The following PTPRD variants were observed in gnomAD, a reference collection of about 807,000 sequenced individuals.
PTPRD encodes protein tyrosine phosphatase receptor type D.
In PTPRD, 34 loss-of-function variants were observed where a neutral mutation model predicts 214.5. The observed-to-expected ratio is 0.16, with a 90% CI of 0.12 to 0.21. The LOEUF (loss-of-function observed/expected upper bound fraction) is 0.21, where lower values mean the gene tolerates loss of function less well. PTPRD is among the 10% of genes least tolerant of loss of function. The probability of loss-of-function intolerance (pLI) is 1.00; values close to 1 mark genes in which losing one functional copy is unlikely to be tolerated. For missense variants in PTPRD, 2,545 were observed against 2,398.7 expected (o/e 1.06, Z -1.27); for synonymous variants, 1,128 against 845.7 (o/e 1.33, Z -5.79).
At chr9:9,598,949 G>C (rs573001152) in intron 7 of PTPRD, among the ~76,000 whole-genome samples, 2 of 151,830 alleles carry the variant, frequency 1.3e-5, no homozygotes, top group South Asian at 2.1e-4. Context: ...CACAGTTCTT[G>C]GTTCCTAAGC....
intron 30 of PTPRD, among the ~76,000 whole-genome samples, chr9:8,476,028 G>A (rs2096757359): frequency 6.6e-6 from 1 of 152,190 alleles, no homozygotes; most frequent in Non-Finnish European, 1.5e-5. Flanking sequence ...AAGGCCAGCA[G>A]GATCTTGCCT....
chr9:9,462,154 A>G (rs1232981391), intron 8 of PTPRD, among the ~76,000 whole-genome samples: 1 of 152,148 alleles, frequency 6.6e-6, no homozygotes, highest in Non-Finnish European at 1.5e-5. Flanking sequence ...ATTAAAAAGT[A>G]TGAGTGAGTA....
At chr9:9,267,718 C>T (rs1045086617) in intron 9 of PTPRD, among the ~76,000 whole-genome samples, 1 of 150,870 alleles carries the variant, frequency 6.6e-6, no homozygotes, top group Non-Finnish European at 1.5e-5. Flanking sequence ...GCAAGGATGG[C>T]TTAACATACA....
intron 3 of PTPRD, among the ~76,000 whole-genome samples, chr9:10,254,536 A>C (rs1227263444): frequency 6.6e-6 from 1 of 152,116 alleles, no homozygotes; most frequent in African/African-American, 2.4e-5. Context: ...AAAGCATAAA[A>C]ACGATTTAGC....
At position 8,732,124 on chromosome 9, in the gene PTPRD, C is replaced by T. The variant is rs1021333462; in HGVS notation, c.64+1656G>A. 4.6e-5 allele frequency among the ~76,000 whole-genome samples: 7 copies of T among 152,244 alleles called. No homozygotes were observed. In the East Asian group the frequency reaches 9.6e-4, roughly 21 times the overall value. On this transcript the variant is annotated intron_variant, in intron 12 of 45. Transcript: ENST00000381196. ...ATGGAGGAGAAAACCAGTAAGATGACGGTTATCTGCAGAAAAGATTGTTTT... is the reference window on the plus strand; with the variant it reads ...ATGGAGGAGAAAACCAGTAAGATGATGGTTATCTGCAGAAAAGATTGTTTT...
chr9:9,974,806 C>A (rs1173724662), intron 4 of PTPRD, among the ~76,000 whole-genome samples: 2 of 152,124 alleles, frequency 1.3e-5, no homozygotes, highest in Non-Finnish European at 2.9e-5. Flanking sequence ...TTTGTTGACA[C>A]AGTAAATATT....
chr9:9,502,993 G>A (rs1035944078), intron 8 of PTPRD, among the ~76,000 whole-genome samples: 10 of 151,674 alleles, frequency 6.6e-5, no homozygotes. Flanking sequence ...CTTGATTGGT[G>A]GGCAGACTAC....
rs566343387 is a variant in PTPRD at position 9,087,110 on chromosome 9, CT to C, written c.-142-68376del. Among the ~76,000 whole-genome samples, 1,264 of 152,002 alleles carry C rather than the reference CT, an allele frequency of 8.3e-3. 9 individuals are homozygous for C. The highest frequency in any genetic ancestry group is 0.013 in the Non-Finnish European group (876 of 67,950). ...CTGATTTCCATTGTCTCTGAGTTGG[CT>C]TTTTTTTCTCTCTTGGATTTTTCTC... On this transcript the variant is annotated intron_variant, in intron 10 of 45. Coordinates refer to ENST00000381196, the MANE Select transcript of PTPRD (RefSeq NM_002839.4).
chr9:9,497,467 T>C (rs2154217705), intron 8 of PTPRD, among the ~76,000 whole-genome samples: 1 of 152,228 alleles, frequency 6.6e-6, no homozygotes, highest in African/African-American at 2.4e-5. Context: ...GAGCAGCTCA[T>C]TATCATCCCC....
At chr9:10,276,791 A>G (rs1237520662) in intron 3 of PTPRD, among the ~76,000 whole-genome samples, 1 of 152,232 alleles carries the variant, frequency 6.6e-6, no homozygotes, top group Non-Finnish European at 1.5e-5. Context: ...TTAAAAAATT[A>G]TAGGTCTAAT....
intron 11 of PTPRD, among the ~76,000 whole-genome samples, chr9:9,006,037 T>C (rs573884656): frequency 1.1e-4 from 16 of 152,124 alleles, no homozygotes; most frequent in African/African-American, 3.4e-4. Flanking sequence ...AATTAAATAA[T>C]TTTGATATTC....
intron 2 of PTPRD, among the ~76,000 whole-genome samples, chr9:10,394,957 C>CTTTT (rs34786789): frequency 3.0e-5 from 4 of 133,212 alleles, no homozygotes; most frequent in East Asian, 4.7e-4. Context: ...TTTTCTTTTT[C>CTTTT]TTTTTTTTTT....
chr9:10,490,175 T>A (rs2039723141), intron 2 of PTPRD, among the ~76,000 whole-genome samples: 1 of 152,166 alleles, frequency 6.6e-6, no homozygotes, highest in South Asian at 2.1e-4. Context: ...GGGATATAGT[T>A]ATTTTTCTCT....
intron 2 of PTPRD, among the ~76,000 whole-genome samples, chr9:10,370,164 G>A (rs549166741): frequency 3.9e-5 from 6 of 151,988 alleles, no homozygotes; most frequent in African/African-American, 1.2e-4. Context: ...TCAGTAGGAC[G>A]TTGTTAAGTC....
At chr9:9,854,837 A>T (rs1323792) in intron 5 of PTPRD, among the ~76,000 whole-genome samples, 152,286 of 152,290 alleles carry the variant, frequency 1, 76,141 homozygotes, top group Middle Eastern at 1. Context: ...TTTTGCTATA[A>T]CTATGGATAA....
chr9:8,698,616 A>C (rs936807028), intron 12 of PTPRD, among the ~76,000 whole-genome samples: 2 of 152,236 alleles, frequency 1.3e-5, no homozygotes, highest in Non-Finnish European at 2.9e-5. Flanking sequence ...CTTTAAACTC[A>C]GGAAGGCTGT....
chr9:10,149,520 C>T (rs1464186389), intron 3 of PTPRD, among the ~76,000 whole-genome samples: 2 of 152,136 alleles, frequency 1.3e-5, no homozygotes, highest in South Asian at 2.1e-4. Context: ...TGCCCTCCAG[C>T]GTGCCTCCGT....
intron 4 of PTPRD, among the ~76,000 whole-genome samples, chr9:9,955,521 G>GTTTTTTTTTTTTTTTTTTTTTTTTTTTTT (rs1194987444): frequency 6.9e-6 from 1 of 145,548 alleles, no homozygotes; most frequent in African/African-American, 2.6e-5. Flanking sequence ...GTTTTGTTTT[G>GTTTTTTTTTTTTTTTTTTTTTTTTTTTTT]TTTTGTTTTT....
intron 5 of PTPRD, among the ~76,000 whole-genome samples, chr9:9,785,416 C>A (rs539179573): frequency 5.0e-4 from 76 of 152,142 alleles, no homozygotes; most frequent in African/African-American, 1.7e-3. Context: ...ATATCATTAT[C>A]ATGTACCTTG....
Sources: allele counts gnomAD v4.1 joint callset (sites outside exome capture counted in the v4.1 genomes callset), GRCh38; gene constraint gnomAD v4.1.1; transcripts MANE v1.5; gene names NCBI Gene and HGNC (gene_info 2026-07-23, HGNC 2026-07-21).